HUWE1: variants seen among roughly 807,000 people sequenced by gnomAD.
HUWE1 encodes E3 ubiquitin-protein ligase HUWE1.
In HUWE1, 18 loss-of-function variants were observed where a neutral mutation model predicts 299.4. The ratio of observed to expected loss-of-function variants is 0.06; its 90% CI spans 0.04 to 0.09. The LOEUF (loss-of-function observed/expected upper bound fraction) is 0.09. HUWE1 is among the 10% of genes least tolerant of loss of function. The pLI, the probability that HUWE1 is intolerant of heterozygous loss-of-function variation, is 1.00. For missense variants in HUWE1, 1,832 were observed against 3,462.3 expected (o/e 0.53, Z 11.82); for synonymous variants, 1,317 against 1,286.1 (o/e 1.02, Z -0.51).
At chrX:53,611,425 A>G (rs2065463205) in intron 23 of HUWE1, among the ~76,000 whole-genome samples, 1 of 111,795 alleles carries the variant, frequency 8.9e-6, no homozygotes, top group African/African-American at 3.3e-5. Flanking sequence ...TAATATACAC[A>G]TAAGACTTTA....
chrX:53,545,108 G>T lies in HUWE1; in HGVS notation c.10969C>A (p.Gln3657Lys). The change falls in exon 71 of 84, where the codon CAA becomes AAA. Residue 3657 changes from glutamine to lysine, a missense_variant. This residue lies in a region of HUWE1 where 48 missense variants were observed against 87.0 expected (regional missense o/e 0.55). Coordinates refer to ENST00000262854, the MANE Select transcript of HUWE1 (RefSeq NM_031407.7). The part of the protein sequence containing the change: ...EYNLEQQRRA[Q>K]CETLSPDGLP... Reference sequence around the variant, plus strand: ...CCATCAGGAGAGAGGGTTTCACATTGGGCTCGCCGCTGCTGCTCGAGGTTG... The same window carrying T: ...CCATCAGGAGAGAGGGTTTCACATTTGGCTCGCCGCTGCTGCTCGAGGTTG... The T allele has an allele frequency of 2.5e-6, 3 of 1,209,595 alleles. No individual in the cohort carries two copies. Among genetic ancestry groups the T allele is most frequent in the Non-Finnish European group, 3.4e-6 (3 of 894,483 alleles).
chrX:53,533,290 G>C lies in HUWE1; in HGVS notation c.*19C>G. 9.2e-7 allele frequency: 1 copy of C among 1,085,540 alleles called. No homozygotes were observed. The highest frequency in any genetic ancestry group is 1.3e-6 in the Non-Finnish European group (1 of 783,048). 89.5% of individuals were successfully genotyped at this position (1,085,540 alleles called of 1,213,427 possible). A position where few individuals can be genotyped will look rare whatever the true frequency, so the allele number is the denominator to read the frequency against. ...CCAACAATGGTAAAAAAAACCCCAC[G>C]GAGTTGGGCAGGGCCTTATTAGGCC... On this transcript the variant is annotated 3_prime_UTR_variant, in exon 84 of 84. Coordinates refer to ENST00000262854, the MANE Select transcript of HUWE1 (RefSeq NM_031407.7).
intron 80 of HUWE1, chrX:53,535,932 T>TG (rs2061033736): frequency 1.7e-5 from 5 of 299,794 alleles, no homozygotes; most frequent in Non-Finnish European, 2.9e-5. Context: ...GTTTTTTTTT[T>TG]TTTTTTTTTT....
chrX:53,663,016 T>C (rs1452419973), intron 3 of HUWE1, among the ~76,000 whole-genome samples: 2 of 112,116 alleles, frequency 1.8e-5, no homozygotes, highest in Non-Finnish European at 3.8e-5. Flanking sequence ...CAAAACTAGC[T>C]AATTATGCTA....
At chrX:53,607,202 T>A (rs1233154945) in intron 25 of HUWE1, among the ~76,000 whole-genome samples, 2 of 111,387 alleles carry the variant, frequency 1.8e-5, no homozygotes, top group Non-Finnish European at 3.8e-5. Context: ...GTGTTTAAAA[T>A]GCACCTATAA....
intron 77 of HUWE1, 90 bp downstream of exon 77, chrX:53,538,247 A>C (rs2061154306): frequency 1.6e-6 from 1 of 626,082 alleles, no homozygotes; most frequent in South Asian, 2.3e-5. Flanking sequence ...CACCAAAGGA[A>C]ATTTGTGGCC....
At chrX:53,567,720 G>T (rs1297835399) in intron 49 of HUWE1, among the ~76,000 whole-genome samples, 1 of 111,662 alleles carries the variant, frequency 9.0e-6, no homozygotes, top group East Asian at 2.8e-4. Flanking sequence ...TGATGTTAAG[G>T]CTATTATTTA....
At chrX:53,563,502 G>A (rs925946066) in intron 52 of HUWE1, among the ~76,000 whole-genome samples, 9 of 111,051 alleles carry the variant, frequency 8.1e-5, no homozygotes, top group Non-Finnish European at 7.5e-5. Context: ...TGTGCTTGAT[G>A]TATCATCTGT....
chrX:53,565,636 C>CA (rs1287180811), intron 49 of HUWE1, among the ~76,000 whole-genome samples: 6 of 102,012 alleles, frequency 5.9e-5, no homozygotes, highest in Non-Finnish European at 6.0e-5. Context: ...AAAAGTTTTC[C>CA]TTTTTTTTTT....
At chrX:53,576,801 C>T in intron 44 of HUWE1, 99 bp downstream of exon 44, 2 of 843,443 alleles carry the variant, frequency 2.4e-6, no homozygotes, top group Non-Finnish European at 3.5e-6. Context: ...AGTATGGGCA[C>T]ATAGTGAGTG....
chrX:53,663,407 G>C (rs782342936), intron 3 of HUWE1, among the ~76,000 whole-genome samples: 5 of 111,317 alleles, frequency 4.5e-5, no homozygotes, highest in Non-Finnish European at 9.4e-5. Flanking sequence ...CAGCTACTTC[G>C]GAGGCTGAGG....
chrX:53,683,785 G>T, intron 2 of HUWE1: 2 of 282,926 alleles, frequency 7.1e-6, no homozygotes, highest in Non-Finnish European at 1.2e-5. Flanking sequence ...GCTGGGTCCT[G>T]GCCGGACAGA....
intron 72 of HUWE1, among the ~76,000 whole-genome samples, 193 bp from the exon 73 acceptor site, chrX:53,544,161 G>A (rs1556920859): frequency 8.9e-6 from 1 of 112,707 alleles, no homozygotes; most frequent in East Asian, 2.8e-4. Context: ...GGGGCATGAT[G>A]CTAGACAGAC....
intron 32 of HUWE1, among the ~76,000 whole-genome samples, chrX:53,593,122 G>C (rs1211875158): frequency 8.9e-6 from 1 of 112,121 alleles, no homozygotes; most frequent in Admixed American, 9.4e-5. Context: ...CCCAGTCTCA[G>C]GTATTTCTTT....
At chrX:53,683,462 C>CG (rs1557054322) in intron 2 of HUWE1, among the ~76,000 whole-genome samples, 1 of 111,227 alleles carries the variant, frequency 9.0e-6, no homozygotes, top group Non-Finnish European at 1.9e-5. Flanking sequence ...GGCCACTCTT[C>CG]ATTGGTTGCT....
intron 83 of HUWE1, chrX:53,533,632 A>G (rs781825541): frequency 1.8e-5 from 8 of 452,334 alleles, no homozygotes; most frequent in African/African-American, 1.7e-4. Context: ...ACTCCTCCTT[A>G]AACACCCTGG....
chrX:53,629,416 T>C (rs2066724850), intron 13 of HUWE1, 100 bp downstream of exon 13: 3 of 568,589 alleles, frequency 5.3e-6, no homozygotes, highest in Non-Finnish European at 9.4e-6. Context: ...TCATTATGTA[T>C]ATGCAAATAT....
At chrX:53,562,759 G>A (rs1321441748) in intron 53 of HUWE1, 72 bp downstream of exon 53, 2 of 858,487 alleles carry the variant, frequency 2.3e-6, no homozygotes, top group Non-Finnish European at 1.7e-6. Context: ...CTGCCTCCAG[G>A]AAAACCCTAG....
intron 82 of HUWE1, 92 bp downstream of exon 82, chrX:53,534,424 C>G (rs1163390358): frequency 3.1e-5 from 26 of 848,775 alleles, no homozygotes; most frequent in Admixed American, 5.3e-5. Context: ...GCAACTTCCT[C>G]TAAGAGTACT....
Sources: allele counts gnomAD v4.1 joint callset (sites outside exome capture counted in the v4.1 genomes callset), GRCh38; gene constraint gnomAD v4.1.1; regional missense constraint gnomAD v4.1.1; transcripts MANE v1.5; gene names NCBI Gene and HGNC (gene_info 2026-07-23, HGNC 2026-07-21).